The following FAM135B variants were observed in gnomAD, a reference collection of about 807,000 sequenced individuals.
FAM135B encodes the protein family with sequence similarity 135 member B, also known as protein FAM135B.
A neutral mutation model predicts 127.7 loss-of-function variants in FAM135B; 43 were observed. The ratio of observed to expected loss-of-function variants is 0.34; its 90% CI spans 0.26 to 0.43. The LOEUF is 0.43. FAM135B is among the 20% of genes least tolerant of loss of function. The pLI, the probability that FAM135B is intolerant of heterozygous loss-of-function variation, is 1.00. For missense variants in FAM135B, 1,558 were observed against 1,725.6 expected, an observed-to-expected ratio of 0.90 and a Z score of 1.72; for synonymous variants, 670 against 665.1, an observed-to-expected ratio of 1.01 and a Z score of -0.11.
rs1242305973 is a variant in FAM135B at position 138,245,342 on chromosome 8, T to C, written c.543-2274A>G. 3.9e-5 allele frequency among the ~76,000 whole-genome samples: 6 copies of C among 152,308 alleles called. No homozygotes were observed. The East Asian group carries it at 1.2e-3, about 29-fold the overall frequency. Reference sequence around the variant, plus strand: ...ACTGTGTCCCCACCCAAATCTCATCTTGAATTGTAGTTTTTGTAATACCCA... The same window carrying C: ...ACTGTGTCCCCACCCAAATCTCATCCTGAATTGTAGTTTTTGTAATACCCA... On this transcript the variant is annotated intron_variant, in intron 6 of 19. Transcript: ENST00000395297.
chr8:138,145,929 C>T (rs766899505), intron 15 of FAM135B, 30 bp downstream of exon 15: 3 of 1,206,460 alleles, frequency 2.5e-6, no homozygotes, highest in Admixed American at 3.4e-5. Flanking sequence ...ATCCAGGGTT[C>T]TTCCAGTTCT....
chr8:138,183,641 T>G (rs1342576265), intron 9 of FAM135B, among the ~76,000 whole-genome samples: 1 of 152,256 alleles, frequency 6.6e-6, no homozygotes. Context: ...TTATTTTTCC[T>G]TCCGATGTTC....
intron 1 of FAM135B, among the ~76,000 whole-genome samples, chr8:138,430,599 A>G (rs1835143027): frequency 6.6e-6 from 1 of 152,114 alleles, no homozygotes; most frequent in Non-Finnish European, 1.5e-5. Context: ...TGAATCTCCT[A>G]AGGCTCAAAC....
At chr8:138,397,029 G>C (rs1379928787) in intron 1 of FAM135B, among the ~76,000 whole-genome samples, 1 of 152,164 alleles carries the variant, frequency 6.6e-6, no homozygotes, top group East Asian at 1.9e-4. Flanking sequence ...GCAATGATGG[G>C]AGCCAGGTGT....
chr8:138,306,138 GA>G (rs1826240008), intron 3 of FAM135B, among the ~76,000 whole-genome samples: 1 of 152,088 alleles, frequency 6.6e-6, no homozygotes, highest in Non-Finnish European at 1.5e-5. Context: ...CCTCCTCTTA[GA>G]AACTATTAGA....
rs189406510 is a variant in FAM135B at position 138,179,201 on chromosome 8, C to T, written c.874-511G>A. On this transcript the variant is annotated intron_variant, in intron 9 of 19. Transcript: ENST00000395297. ...AGAGCCAACAACACTTGCTTTATGA[C>T]GTCTTCACAGTTGCCCCAGCTGGAA... 8.5e-4 allele frequency among the ~76,000 whole-genome samples: 130 copies of T among 152,284 alleles called. 1 individual carries two copies. Among genetic ancestry groups the T allele is most frequent in the Admixed American group, 5.6e-3 (86 of 15,292 alleles).
intron 2 of FAM135B, among the ~76,000 whole-genome samples, chr8:138,366,551 C>T (rs1340061216): frequency 6.6e-6 from 1 of 152,178 alleles, no homozygotes; most frequent in Non-Finnish European, 1.5e-5. Flanking sequence ...CCTCATATGC[C>T]TCCTTCCCTG....
intron 7 of FAM135B, among the ~76,000 whole-genome samples, chr8:138,202,720 A>G (rs995156874): frequency 6.6e-6 from 1 of 152,228 alleles, no homozygotes; most frequent in Non-Finnish European, 1.5e-5. Flanking sequence ...AGACTTATGT[A>G]ATGCTCCAGT....
intron 9 of FAM135B, among the ~76,000 whole-genome samples, chr8:138,194,985 G>A (rs1208484524): frequency 2.0e-5 from 3 of 152,168 alleles, no homozygotes; most frequent in Non-Finnish European, 2.9e-5. Flanking sequence ...CAATGGATGG[G>A]TAATGGACAA....
In FAM135B at chr8:138,187,103, G is replaced by T. The variant is rs143757124; in HGVS notation, c.873+8155C>A. Among the ~76,000 whole-genome samples, 1,328 of 152,324 alleles carry T rather than the reference G, an allele frequency of 8.7e-3. 27 individuals carry two copies. Among genetic ancestry groups the T allele is most frequent in the African/African-American group, 0.03 (1,255 of 41,568 alleles). On this transcript the variant is annotated intron_variant, in intron 9 of 19. Transcript: ENST00000395297. ...GTATGTTGGTATTGTCATTGTTGCA[G>T]TGACTGCAGTTAACCTTAATCATCA...
At chr8:138,189,297 G>A (rs778463268) in intron 9 of FAM135B, among the ~76,000 whole-genome samples, 3 of 152,134 alleles carry the variant, frequency 2.0e-5, no homozygotes, top group Non-Finnish European at 4.4e-5. Flanking sequence ...CCTTCCCACT[G>A]AGAGCCACTT....
At chr8:138,227,974 T>C (rs1011829629) in intron 7 of FAM135B, among the ~76,000 whole-genome samples, 5 of 152,174 alleles carry the variant, frequency 3.3e-5, no homozygotes, top group South Asian at 2.1e-4. Context: ...GGCAACCTAA[T>C]AGAATATGCA....
At chr8:138,184,730 C>T (rs1040098511) in intron 9 of FAM135B, among the ~76,000 whole-genome samples, 7 of 152,154 alleles carry the variant, frequency 4.6e-5, no homozygotes, top group Admixed American at 2.0e-4. Context: ...TATGTGCCTG[C>T]TGGATGTCCA....
intron 12 of FAM135B, 78 bp downstream of exon 12, chr8:138,167,817 T>A: frequency 1.4e-6 from 2 of 1,471,626 alleles, no homozygotes; most frequent in Non-Finnish European, 1.8e-6. Flanking sequence ...TTTGCTGGAA[T>A]ATAAACAAAC....
chr8:138,262,669 G>A (rs1822622625), intron 4 of FAM135B, among the ~76,000 whole-genome samples: 1 of 152,024 alleles, frequency 6.6e-6, no homozygotes, highest in South Asian at 2.1e-4. Flanking sequence ...GGGAGGCTGA[G>A]GCGGGTGGAT....
Position 138,463,148 on chromosome 8 carries a change from C to T in FAM135B, c.-20+33523G>A, listed in dbSNP as rs139789738. 4.3e-3 allele frequency among the ~76,000 whole-genome samples: 662 copies of T among 152,280 alleles called. 5 individuals carry two copies. The highest frequency in any genetic ancestry group is 0.027 in the Middle Eastern group (8 of 294). ...ATTCCTAAATTTTTGGTGAAAAGCA[C>T]ATATGGAGTCCTTGCTTCATCGGGT... On this transcript the variant is annotated intron_variant, in intron 1 of 19. Coordinates refer to ENST00000395297, the MANE Select transcript of FAM135B (RefSeq NM_015912.4).
intron 1 of FAM135B, among the ~76,000 whole-genome samples, chr8:138,494,193 T>C (rs1815300557): frequency 6.6e-6 from 1 of 152,232 alleles, no homozygotes; most frequent in Non-Finnish European, 1.5e-5. Context: ...TGGAGCATCC[T>C]CCAGGCTTGC....
At chr8:138,393,472 T>A (rs981538255) in intron 1 of FAM135B, among the ~76,000 whole-genome samples, 7 of 150,660 alleles carry the variant, frequency 4.6e-5, no homozygotes, top group South Asian at 2.1e-4. Flanking sequence ...AAAAAAAAAA[T>A]TTAAGAGTAT....
Position 138,132,859 on chromosome 8 carries a change from A to T in FAM135B, c.4016-61T>A, listed in dbSNP as rs2130492666. 4 of 1,442,648 alleles carry T rather than the reference A, an allele frequency of 2.8e-6. No individual in the cohort carries two copies. The highest frequency in any genetic ancestry group is 3.9e-6 in the Non-Finnish European group (4 of 1,025,646). 89.4% of individuals were successfully genotyped at this position (1,442,648 alleles called of 1,614,324 possible). A position where few individuals can be genotyped will look rare whatever the true frequency, so the allele number is the denominator to read the frequency against. ...AGAAATTAGCAGTGGAATCTAGAGA[A>T]CATCACTAGATGTGTGTCGAAATTC... On this transcript the variant is annotated intron_variant, in intron 19 of 19. Transcript: ENST00000395297. The surrounding 1 kb of genome is among the most constrained non-coding windows in gnomAD (Gnocchi z 4.5).
Sources: allele counts gnomAD v4.1 joint callset (sites outside exome capture counted in the v4.1 genomes callset), GRCh38; gene constraint gnomAD v4.1.1; non-coding constraint Gnocchi (gnomAD v3.1); transcripts MANE v1.5; gene names NCBI Gene and HGNC (gene_info 2026-07-23, HGNC 2026-07-21).